Variants in UNC79 observed in about 807,000 individuals in gnomAD.
The protein encoded by UNC79 is protein unc-79 homolog.
UNC79 carries 37 observed loss-of-function variants against 283.1 expected under a neutral mutation model. The observed-to-expected ratio is 0.13, with a 90% CI of 0.10 to 0.17. The LOEUF (loss-of-function observed/expected upper bound fraction) is 0.17, where lower values mean the gene tolerates loss of function less well. Ranked by LOEUF, UNC79 falls within the 10% of genes least tolerant of loss-of-function variation. The pLI, the probability that UNC79 is intolerant of heterozygous loss-of-function variation, is 1.00. For missense variants in UNC79, 2,272 were observed against 3,211.1 expected (o/e 0.71, Z 7.07); for synonymous variants, 1,107 against 1,200.2 (o/e 0.92, Z 1.61).
At chr14:93,519,983 A>T (rs1324548731) in intron 7 of UNC79, among the ~76,000 whole-genome samples, 2 of 151,952 alleles carry the variant, frequency 1.3e-5, no homozygotes, top group Non-Finnish European at 2.9e-5. Context: ...CAGCATACTT[A>T]CCATGTCCAA....
At chr14:93,581,365 G>T (rs2063785778) in intron 19 of UNC79, among the ~76,000 whole-genome samples, 1 of 150,934 alleles carries the variant, frequency 6.6e-6, no homozygotes, top group Admixed American at 6.6e-5. Flanking sequence ...TAGAGATGAG[G>T]TCTCACTATG....
intron 1 of UNC79, among the ~76,000 whole-genome samples, chr14:93,373,507 T>C (rs1355548874): frequency 6.6e-6 from 1 of 151,918 alleles, no homozygotes; most frequent in Non-Finnish European, 1.5e-5. Flanking sequence ...AAAGGAATAG[T>C]GTGCACAACC....
intron 35 of UNC79, among the ~76,000 whole-genome samples, chr14:93,646,860 T>A (rs2069669855): frequency 6.6e-6 from 1 of 151,768 alleles, no homozygotes; most frequent in Admixed American, 6.6e-5. Flanking sequence ...AAATAAAAAA[T>A]AAAAAAAATA....
intron 1 of UNC79, among the ~76,000 whole-genome samples, chr14:93,336,376 C>G (rs1453670640): frequency 6.6e-6 from 1 of 151,916 alleles, no homozygotes; most frequent in African/African-American, 2.4e-5. Flanking sequence ...GAGTCTTGCT[C>G]TGTCACCCAG....
At chr14:93,655,156 A>C in intron 37 of UNC79, 78 bp from the exon 41 acceptor site, 1 of 1,523,878 alleles carries the variant, frequency 6.6e-7, no homozygotes, top group Non-Finnish European at 8.9e-7. Context: ...TGTGACTTTT[A>C]AACTGACATT....
intron 1 of UNC79, among the ~76,000 whole-genome samples, chr14:93,464,255 G>A (rs548447097): frequency 2.6e-5 from 4 of 152,346 alleles, no homozygotes; most frequent in Admixed American, 1.3e-4. Flanking sequence ...CAACAGAAAT[G>A]TATTTTCTCA....
chr14:93,638,527 G>T (rs1191985926), intron 32 of UNC79, among the ~76,000 whole-genome samples: 1 of 152,188 alleles, frequency 6.6e-6, no homozygotes, highest in Non-Finnish European at 1.5e-5. Flanking sequence ...ATCCATGCAT[G>T]CCTTTGAGAC....
chr14:93,446,394 G>GTTT (rs35270146), intron 1 of UNC79, among the ~76,000 whole-genome samples: 8 of 142,380 alleles, frequency 5.6e-5, no homozygotes, highest in African/African-American at 7.7e-5. Context: ...CATGTGTGTG[G>GTTT]TTTTTTTTTT....
At position 93,644,129 on chromosome 14, in the gene UNC79, TG is replaced by T. The variant is rs549124144; in HGVS notation, c.6044+433del. On this transcript the variant is annotated intron_variant, in intron 34 of 48. Coordinates refer to ENST00000555664, the Ensembl canonical transcript of UNC79. ...CATTTAACTATGAAACTTGGGGCAT[TG>T]TTGTGTGAGGAGACACATAGTAATT... 6.6e-5 allele frequency among the ~76,000 whole-genome samples: 10 copies of T among 152,310 alleles called. No individual in the cohort carries two copies. The South Asian group carries it at 8.3e-4, about 13-fold the overall frequency.
At chr14:93,371,582 T>C (rs1241810018) in intron 1 of UNC79, among the ~76,000 whole-genome samples, 1 of 152,142 alleles carries the variant, frequency 6.6e-6, no homozygotes, top group African/African-American at 2.4e-5. Context: ...GGCTCACGCC[T>C]GTAATCCCAG....
intron 5 of UNC79, among the ~76,000 whole-genome samples, chr14:93,493,871 C>CCA (rs1417161582): frequency 2.0e-5 from 2 of 101,522 alleles, no homozygotes; most frequent in African/African-American, 3.9e-5. Flanking sequence ...AGGGGAAGTG[C>CCA]CACATATATA....
intron 40 of UNC79, among the ~76,000 whole-genome samples, chr14:93,668,737 G>C (rs770209880): frequency 2.6e-4 from 39 of 151,652 alleles, no homozygotes; most frequent in Non-Finnish European, 4.6e-4. Context: ...CCCATTGCTT[G>C]GGAGGCTGAG....
chr14:93,400,538 C>T (rs984046330), intron 1 of UNC79, among the ~76,000 whole-genome samples: 1 of 152,054 alleles, frequency 6.6e-6, no homozygotes, highest in Non-Finnish European at 1.5e-5. Context: ...GAGAAGAATT[C>T]ATGGATAAAG....
At chr14:93,606,370 A>C (rs1186629151) in intron 26 of UNC79, among the ~76,000 whole-genome samples, 4 of 152,236 alleles carry the variant, frequency 2.6e-5, no homozygotes, top group Non-Finnish European at 5.9e-5. Flanking sequence ...CATCATAAGC[A>C]AAACTTGCTT....
chr14:93,398,066 T>G lies in UNC79; in HGVS notation c.-351+64543T>G, dbSNP rs546550342. Reference sequence around the variant, plus strand: ...TTCCTTTTATGGAGAATTTCAGAGGTCCCTACTCCACCATTTTCAATGATG... The same window carrying G: ...TTCCTTTTATGGAGAATTTCAGAGGGCCCTACTCCACCATTTTCAATGATG... On this transcript the variant is annotated intron_variant, in intron 1 of 49. Transcript: ENST00000256339. Among the ~76,000 whole-genome samples, 4 of 152,264 alleles carry G rather than the reference T, an allele frequency of 2.6e-5. No individual in the cohort carries two copies. The South Asian group carries it at 8.3e-4, about 32-fold the overall frequency.
intron 40 of UNC79, among the ~76,000 whole-genome samples, chr14:93,669,037 A>G (rs966637651): frequency 2.6e-5 from 4 of 151,420 alleles, no homozygotes; most frequent in Non-Finnish European, 4.4e-5. Context: ...TAACTGGAAC[A>G]TTTTACTGGA....
At chr14:93,595,589 T>C (rs2065023130) in intron 23 of UNC79, among the ~76,000 whole-genome samples, 1 of 152,126 alleles carries the variant, frequency 6.6e-6, no homozygotes, top group African/African-American at 2.4e-5. Context: ...GCGGGGGCCA[T>C]TCTGGGCTCT....
chr14:93,574,781 T>C (rs2063382884), intron 16 of UNC79, among the ~76,000 whole-genome samples: 1 of 149,422 alleles, frequency 6.7e-6, no homozygotes, highest in South Asian at 2.1e-4. Context: ...GTGGTGGGTA[T>C]GGAGAGTGGG....
chr14:93,594,206 CCA>C (rs1165790208), intron 23 of UNC79, among the ~76,000 whole-genome samples: 1 of 152,072 alleles, frequency 6.6e-6, no homozygotes, highest in Non-Finnish European at 1.5e-5. Context: ...CATTATCTGG[CCA>C]CATCCTAGAG....
Sources: allele counts gnomAD v4.1 joint callset (sites outside exome capture counted in the v4.1 genomes callset), GRCh38; gene constraint gnomAD v4.1.1; transcripts MANE v1.5; gene names NCBI Gene and HGNC (gene_info 2026-07-23, HGNC 2026-07-21).